The following MTMR12 variants were observed in gnomAD, a reference collection of about 807,000 sequenced individuals.
The protein encoded by MTMR12 is myotubularin-related protein 12.
Under a neutral mutation model 96.7 loss-of-function variants are expected in MTMR12, and 33 were observed. The ratio of observed to expected loss-of-function variants is 0.34; its 90% CI spans 0.26 to 0.46. The LOEUF (loss-of-function observed/expected upper bound fraction) is 0.46, where lower values mean the gene tolerates loss of function less well. Ranked by LOEUF, MTMR12 falls within the 20% of genes least tolerant of loss-of-function variation. The probability of loss-of-function intolerance (pLI) is 1.00; values close to 1 mark genes in which losing one functional copy is unlikely to be tolerated. For synonymous variants in MTMR12, 298 were observed against 327.2 expected, an observed-to-expected ratio of 0.91 and a Z score of 0.96; for missense variants, 721 against 896.1, an observed-to-expected ratio of 0.80 and a Z score of 2.49.
At position 32,312,276 on chromosome 5, in the gene MTMR12, G is replaced by A. The variant is rs1312421808; in HGVS notation, c.81+482C>T. ...GCAGCGCTGACGGGAGGCGGACGTA[G>A]GTGCAGGGCATCCCGCCAGCCGCAC... is the stretch of plus-strand genomic sequence containing the variant. On this transcript the variant is annotated intron_variant, in intron 1 of 15. Transcript: ENST00000382142. The surrounding 1 kb of genome is among the most constrained non-coding windows in gnomAD (Gnocchi z 5.0). Among the ~76,000 whole-genome samples the A allele has an allele frequency of 2.6e-5, 4 of 152,206 alleles. No homozygotes were observed. The highest frequency in any genetic ancestry group is 5.9e-5 in the Non-Finnish European group (4 of 68,030).
chr5:32,242,225 T>C, intron 11 of MTMR12, 98 bp from the exon 12 acceptor site: 1 of 781,602 alleles, frequency 1.3e-6, no homozygotes, highest in South Asian at 2.5e-5. Context: ...ATCTTCAGTC[T>C]TCTCTCTTAT....
intron 10 of MTMR12, among the ~76,000 whole-genome samples, chr5:32,245,721 A>G (rs183662770): frequency 2.0e-5 from 3 of 152,190 alleles, no homozygotes; most frequent in Admixed American, 2.0e-4. Flanking sequence ...CCAGCTACTC[A>G]AGAGGCTGAG....
intron 1 of MTMR12, among the ~76,000 whole-genome samples, chr5:32,292,199 C>A (rs1047441704): frequency 1.9e-4 from 29 of 152,174 alleles, no homozygotes; most frequent in African/African-American, 6.5e-4. Flanking sequence ...ATTTGCAGGG[C>A]TGGGGCAAAG....
At chr5:32,283,268 G>A (rs987809040) in intron 1 of MTMR12, among the ~76,000 whole-genome samples, 2 of 152,190 alleles carry the variant, frequency 1.3e-5, no homozygotes, top group Non-Finnish European at 1.5e-5. Context: ...GTGGACTGTA[G>A]ACATCACAGA....
intron 8 of MTMR12, among the ~76,000 whole-genome samples, chr5:32,250,694 A>T (rs1748881513): frequency 6.6e-6 from 1 of 152,188 alleles, no homozygotes; most frequent in Non-Finnish European, 1.5e-5. Flanking sequence ...CCTCTTCTGG[A>T]GCAGAAGGGC....
chr5:32,272,615 G>A (rs2112085697), intron 3 of MTMR12, among the ~76,000 whole-genome samples: 1 of 152,122 alleles, frequency 6.6e-6, no homozygotes, highest in Non-Finnish European at 1.5e-5. Context: ...CTGAGCTCAA[G>A]CAATCCACCT....
chr5:32,270,778 G>A, intron 5 of MTMR12, 39 bp downstream of exon 5: 1 of 1,568,896 alleles, frequency 6.4e-7, no homozygotes, highest in Non-Finnish European at 8.6e-7. Flanking sequence ...GGGAAAACCT[G>A]ATGGGAAATA....
At chr5:32,247,789 T>A (rs1309001516) in intron 10 of MTMR12, 1 of 985,142 alleles carries the variant, frequency 1.0e-6, no homozygotes, top group African/African-American at 1.7e-5. Context: ...GTGTGATCAC[T>A]GCCACAATAA....
chr5:32,261,441 A>G (rs1357780804), intron 7 of MTMR12, among the ~76,000 whole-genome samples: 1 of 151,976 alleles, frequency 6.6e-6, no homozygotes, highest in African/African-American at 2.4e-5. Flanking sequence ...CCTCTGACTC[A>G]AGCTTTCACT....
intron 8 of MTMR12, among the ~76,000 whole-genome samples, chr5:32,249,333 T>G (rs1296481848): frequency 2.0e-5 from 3 of 152,152 alleles, no homozygotes; most frequent in African/African-American, 7.2e-5. Flanking sequence ...TTTCCCAAGT[T>G]GTACAAAAGT....
At chr5:32,262,996 T>C (rs917750671) in intron 7 of MTMR12, 117 bp downstream of exon 7, 9 of 1,325,826 alleles carry the variant, frequency 6.8e-6, no homozygotes, top group Admixed American at 2.4e-5. Flanking sequence ...TTTGGGAGGA[T>C]GAAAATGTTC....
rs180897515 is a variant in MTMR12, at chr5:32,278,934, G to A, written c.82-2192C>T. Reference sequence around the variant, plus strand: ...CTCTACTAAAAATACAAAATTAGCCGGGGTGTTGGTGCATGCCTGTAATCC... The same window carrying A: ...CTCTACTAAAAATACAAAATTAGCCAGGGTGTTGGTGCATGCCTGTAATCC... On this transcript the variant is annotated intron_variant, in intron 1 of 15. Coordinates refer to ENST00000382142, the MANE Select transcript of MTMR12 (RefSeq NM_001040446.3). 1.9e-3 allele frequency among the ~76,000 whole-genome samples: 295 copies of A among 151,720 alleles called. 1 individual carries two copies. The highest frequency in any genetic ancestry group is 6.8e-3 in the African/African-American group (280 of 41,362).
At chr5:32,245,585 T>C (rs993990971) in intron 10 of MTMR12, among the ~76,000 whole-genome samples, 9 of 151,524 alleles carry the variant, frequency 5.9e-5, no homozygotes, top group African/African-American at 2.2e-4. Flanking sequence ...CCCAGCACTT[T>C]GGGAGGCCGA....
intron 3 of MTMR12, among the ~76,000 whole-genome samples, 161 bp from the exon 4 acceptor site, chr5:32,272,066 C>A (rs1291586999): frequency 6.6e-6 from 1 of 151,940 alleles, no homozygotes; most frequent in African/African-American, 2.4e-5. Context: ...CCGACGCGGG[C>A]GGATCACGAG....
At position 32,235,030 on chromosome 5, in the gene MTMR12, C is replaced by G. The variant is rs1473461913; in HGVS notation, c.1444G>C (p.Asp482His). Reference protein sequence around the residue: ...FTETYLTVLSDSLYIPIFSTF... With the variant: ...FTETYLTVLSHSLYIPIFSTF... ...CTAAAAATAGGTATATACAGGCTAT[C>G]TGACAAAACAGTCAGGTAAGTCTCT... Residue 482 changes from aspartate (D) to histidine (H), a missense_variant, in exon 14 of 16, where the codon GAT (aspartate) becomes CAT (histidine). Asp to His is a moderately conservative substitution (Grantham distance 81). Transcript: ENST00000382142. The G allele has an allele frequency of 1.2e-6, 2 of 1,613,918 alleles. No individual in the cohort carries two copies. Among genetic ancestry groups the G allele is most frequent in the Non-Finnish European group, 1.7e-6 (2 of 1,179,896 alleles).
chr5:32,250,613 G>A (rs1450758546), intron 8 of MTMR12, among the ~76,000 whole-genome samples: 1 of 152,206 alleles, frequency 6.6e-6, no homozygotes, highest in East Asian at 1.9e-4. Flanking sequence ...CTTGGATAAA[G>A]GGGGAGATAC....
Position 32,285,335 on chromosome 5 carries a change from G to A in MTMR12, c.82-8593C>T, listed in dbSNP as rs1439933034. Among the ~76,000 whole-genome samples the A allele has an allele frequency of 2.0e-5, 3 of 148,288 alleles. No homozygotes were observed. The Admixed American group carries it at 2.0e-4, about 10-fold the overall frequency. ...AATGTGCCACTGCACTTCAGCCTGGGTGACAGAGCGAGATTCCATTTCAAA... is the reference window on the plus strand; with the variant it reads ...AATGTGCCACTGCACTTCAGCCTGGATGACAGAGCGAGATTCCATTTCAAA... On this transcript the variant is annotated intron_variant, in intron 1 of 15. Transcript: ENST00000382142.
At chr5:32,276,873 C>CTTTT (rs779455702) in intron 1 of MTMR12, 131 bp from the exon 2 acceptor site, 7 of 123,782 alleles carry the variant, frequency 5.7e-5, no homozygotes, top group African/African-American at 1.3e-4. Context: ...TTACAAGCTA[C>CTTTT]TTTTTTTTTT....
intron 6 of MTMR12, among the ~76,000 whole-genome samples, chr5:32,265,393 T>A (rs1749549626): frequency 1.3e-5 from 2 of 152,222 alleles, no homozygotes; most frequent in Admixed American, 1.3e-4. Flanking sequence ...TTTGGCATGC[T>A]AATCCACATA....
Sources: gnomAD v4.1 joint callset for allele counts (sites outside exome capture counted in the v4.1 genomes callset) on GRCh38, gnomAD v4.1.1 for gene constraint, Gnocchi (gnomAD v3.1) non-coding constraint, MANE v1.5 for transcripts, NCBI Gene and HGNC (gene_info 2026-07-23, HGNC 2026-07-21) for gene names.